DCDC1: variants seen among roughly 807,000 people sequenced by gnomAD.
DCDC1 encodes the protein doublecortin domain containing 1.
Under a neutral mutation model 178.3 loss-of-function variants are expected in DCDC1, and 200 were observed. The observed-to-expected ratio is 1.12, with a 90% CI of 1.00 to 1.26. The LOEUF (loss-of-function observed/expected upper bound fraction) is 1.26. Ranked by LOEUF, DCDC1 falls within the 50% of genes most tolerant of loss-of-function variation. The pLI is 0.00. For synonymous variants in DCDC1, 690 were observed against 604.8 expected (o/e 1.14, Z -2.07); for missense variants, 1,983 against 1,749.2 (o/e 1.13, Z -2.38).
intron 17 of DCDC1, among the ~76,000 whole-genome samples, chr11:31,083,834 GT>G (rs917403058): frequency 1.3e-5 from 2 of 152,136 alleles, no homozygotes; most frequent in African/African-American, 4.8e-5. Context: ...TGTTATGTTA[GT>G]TTTTTAGTTG....
intron 22 of DCDC1, among the ~76,000 whole-genome samples, chr11:30,927,628 T>A (rs1391461905): frequency 6.6e-6 from 1 of 152,170 alleles, no homozygotes; most frequent in African/African-American, 2.4e-5. Flanking sequence ...CAATATTCTA[T>A]GTTGCCAGCA....
intron 20 of DCDC1, among the ~76,000 whole-genome samples, chr11:30,974,635 C>T (rs1261706187): frequency 6.6e-6 from 1 of 152,116 alleles, no homozygotes; most frequent in Non-Finnish European, 1.5e-5. Context: ...TTCCTGGACA[C>T]ATACAACCTA....
intron 21 of DCDC1, among the ~76,000 whole-genome samples, chr11:30,933,536 T>C (rs896716895): frequency 6.6e-6 from 1 of 152,196 alleles, no homozygotes; most frequent in Non-Finnish European, 1.5e-5. Flanking sequence ...ACACTTGTTA[T>C]AAATTGTTGA....
At chr11:30,897,582 C>CAAAAAAAA (rs35815662) in intron 34 of DCDC1, among the ~76,000 whole-genome samples, 1 of 72,924 alleles carries the variant, frequency 1.4e-5, no homozygotes, top group African/African-American at 5.5e-5. Flanking sequence ...GACTCCGTCT[C>CAAAAAAAA]AAAAAAAAAA....
intron 20 of DCDC1, among the ~76,000 whole-genome samples, chr11:31,027,210 T>C (rs1953299907): frequency 6.6e-6 from 1 of 151,850 alleles, no homozygotes; most frequent in Non-Finnish European, 1.5e-5. Flanking sequence ...CTACCCTTCA[T>C]GTGCTTAAGG....
rs747919351 is a variant in DCDC1, at chr11:30,905,039, C to T, written c.4230G>A (p.Lys1410=). The T allele has an allele frequency of 6.2e-7, 1 of 1,613,860 alleles. No individual in the cohort carries two copies. ...TTTTGTATGCAATTATTTTCACTGCCTTCTGGTGTGTGGCTGCCATGCCAC... is the reference window on the plus strand; with the variant it reads ...TTTTGTATGCAATTATTTTCACTGCTTTCTGGTGTGTGGCTGCCATGCCAC... ...SHSGMAATHQ[K]AVKIIAYKNG... is the part of the protein sequence containing the mutation. Residue 1410 remains lysine, a synonymous_variant, in exon 31 of 39, where the codon AAG becomes AAA. Coordinates refer to ENST00000684477, the MANE Select transcript of DCDC1 (RefSeq NM_001387274.1).
intron 9 of DCDC1, among the ~76,000 whole-genome samples, chr11:31,194,847 G>A (rs186707578): frequency 1.3e-5 from 2 of 152,186 alleles, no homozygotes; most frequent in Non-Finnish European, 2.9e-5. Flanking sequence ...TTTGATAAAT[G>A]TTCCAAAGGG....
At chr11:31,185,405 T>C (rs1323325805) in intron 9 of DCDC1, among the ~76,000 whole-genome samples, 2 of 151,800 alleles carry the variant, frequency 1.3e-5, no homozygotes, top group Admixed American at 6.6e-5. Flanking sequence ...ACTTAAAATA[T>C]AATAAAAAAG....
intron 20 of DCDC1, among the ~76,000 whole-genome samples, chr11:31,058,394 C>T (rs1458478496): frequency 6.6e-6 from 1 of 152,124 alleles, no homozygotes; most frequent in African/African-American, 2.4e-5. Flanking sequence ...GAAAACACTT[C>T]CTGCTGAAGT....
At chr11:30,929,288 C>G (rs2134299897) in intron 22 of DCDC1, among the ~76,000 whole-genome samples, 1 of 152,194 alleles carries the variant, frequency 6.6e-6, no homozygotes, top group Non-Finnish European at 1.5e-5. Context: ...TCCCTGTTCT[C>G]TATCTCATGG....
chr11:31,137,219 T>G (rs1963240821), intron 10 of DCDC1, among the ~76,000 whole-genome samples: 1 of 152,198 alleles, frequency 6.6e-6, no homozygotes, highest in African/African-American at 2.4e-5. Context: ...CTTTTCATGC[T>G]GTCTATATCA....
intron 20 of DCDC1, among the ~76,000 whole-genome samples, chr11:31,008,164 G>A (rs1039475323): frequency 1.3e-5 from 2 of 152,212 alleles, no homozygotes; most frequent in African/African-American, 2.4e-5. Flanking sequence ...GAAACTTTCA[G>A]GGGATAGGGA....
intron 36 of DCDC1, among the ~76,000 whole-genome samples, chr11:30,890,980 T>C (rs1291886067): frequency 6.6e-6 from 1 of 152,212 alleles, no homozygotes; most frequent in Non-Finnish European, 1.5e-5. Flanking sequence ...CCTAGGTTCA[T>C]TAAAATATCC....
In DCDC1 at chr11:30,894,268, C is replaced by T. The variant is rs1043643051; in HGVS notation, c.4882G>A (p.Glu1628Lys). 4 of 1,613,702 alleles carry T rather than the reference C, an allele frequency of 2.5e-6. No homozygotes were observed. Among genetic ancestry groups the T allele is most frequent in the Non-Finnish European group, 3.4e-6 (4 of 1,179,806 alleles). ...EQTQQEIKLMELIRHTEAHLS... is the reference protein window; with the variant it reads ...EQTQQEIKLMKLIRHTEAHLS... ...CATACCTCTGTATGTCTTATAAGTT[C>T]CATGAGTTTAATTTCCTGTTGAGTC... The change falls in exon 35 of 39, where the codon GAA (glutamate) becomes AAA (lysine). Residue 1628 changes from glutamate (E) to lysine (K), a missense_variant. Transcript: ENST00000684477.
At chr11:31,286,088 G>A (rs747651774) in intron 7 of DCDC1, among the ~76,000 whole-genome samples, 4 of 152,098 alleles carry the variant, frequency 2.6e-5, no homozygotes, top group Non-Finnish European at 5.9e-5. Flanking sequence ...TAGAACACTG[G>A]AATAAGAATT....
chr11:31,170,366 C>T (rs868551487), intron 9 of DCDC1, among the ~76,000 whole-genome samples: 7 of 152,262 alleles, frequency 4.6e-5, no homozygotes, highest in Admixed American at 2.6e-4. Context: ...AATCCCAAAA[C>T]TAGATCTGCT....
chr11:31,100,236 T>C (rs1157206307), intron 15 of DCDC1, among the ~76,000 whole-genome samples: 2 of 152,140 alleles, frequency 1.3e-5, no homozygotes, highest in African/African-American at 4.8e-5. Flanking sequence ...TTAGAGAATA[T>C]TCAGCCTTGA....
At chr11:30,893,340 C>T (rs1023850376) in intron 35 of DCDC1, among the ~76,000 whole-genome samples, 3 of 152,220 alleles carry the variant, frequency 2.0e-5, no homozygotes, top group African/African-American at 7.2e-5. Flanking sequence ...TTCTCTGCAT[C>T]TAACAAATGA....
rs192241546 is a variant in DCDC1 at position 31,212,744 on chromosome 11, G to A, written c.1221+28706C>T. Among the ~76,000 whole-genome samples the A allele has an allele frequency of 1.5e-4, 23 of 152,130 alleles. No homozygotes were observed. The South Asian group carries it at 4.4e-3, about 29-fold the overall frequency. On this transcript the variant is annotated intron_variant, in intron 9 of 38. Coordinates refer to ENST00000684477, the MANE Select transcript of DCDC1 (RefSeq NM_001387274.1). ...TCCTTTTAGCTATTAGGAAATATCT[G>A]GGGAAAAAATAAATCTGTATTTTTT...
Sources: gnomAD v4.1 joint callset for allele counts (sites outside exome capture counted in the v4.1 genomes callset) on GRCh38, gnomAD v4.1.1 for gene constraint, MANE v1.5 for transcripts, NCBI Gene and HGNC (gene_info 2026-07-23, HGNC 2026-07-21) for gene names.